Variants in ZDHHC17 observed in about 807,000 individuals in gnomAD.
ZDHHC17 encodes zDHHC palmitoyltransferase 17.
A neutral mutation model predicts 90.3 loss-of-function variants in ZDHHC17; 40 were observed. The ratio of observed to expected loss-of-function variants is 0.44; its 90% confidence interval spans 0.34 to 0.58. The LOEUF (loss-of-function observed/expected upper bound fraction) is 0.58, where lower values mean the gene tolerates loss of function less well. Among genes scored for constraint, ZDHHC17 ranks in the 20% least tolerant of loss-of-function variants. The pLI is 0.01. For missense variants in ZDHHC17, 614 were observed against 780.8 expected, an observed-to-expected ratio of 0.79 and a Z score of 2.55; for synonymous variants, 235 against 252.4, an observed-to-expected ratio of 0.93 and a Z score of 0.65.
intron 14 of ZDHHC17, among the ~76,000 whole-genome samples, chr12:76,847,182 G>A (rs1409271201): frequency 2.0e-5 from 3 of 152,128 alleles, no homozygotes; most frequent in Non-Finnish European, 4.4e-5. Flanking sequence ...CCATCATGTG[G>A]GTTTTATACC....
chr12:76,838,961 CAG>C (rs1953400797), intron 10 of ZDHHC17, among the ~76,000 whole-genome samples: 3 of 152,154 alleles, frequency 2.0e-5, no homozygotes, highest in Admixed American at 2.0e-4. Flanking sequence ...AGTTTGAGAT[CAG>C]GGTGCCAGCA....
intron 2 of ZDHHC17, 51 bp from the exon 3 acceptor site, chr12:76,805,266 T>C: frequency 1.4e-6 from 2 of 1,453,642 alleles, no homozygotes; most frequent in Non-Finnish European, 1.9e-6. Context: ...TATTTTTAAC[T>C]TTACATTTCT....
At chr12:76,777,240 C>T (rs571719580) in intron 1 of ZDHHC17, among the ~76,000 whole-genome samples, 1 of 152,276 alleles carries the variant, frequency 6.6e-6, no homozygotes, top group Admixed American at 6.5e-5. Flanking sequence ...TTCTCCATTT[C>T]TATTATTTTG....
chr12:76,794,436 C>G (rs1952795701), intron 1 of ZDHHC17, among the ~76,000 whole-genome samples: 1 of 151,982 alleles, frequency 6.6e-6, no homozygotes, highest in Non-Finnish European at 1.5e-5. Context: ...AAACCAGTAT[C>G]CAGTCTGTTT....
chr12:76,773,049 G>T (rs560434037), intron 1 of ZDHHC17, among the ~76,000 whole-genome samples: 1 of 152,100 alleles, frequency 6.6e-6, no homozygotes, highest in Non-Finnish European at 1.5e-5. Context: ...GTAGAGACGG[G>T]ATTTCACCAT....
rs2137797114 is a variant in ZDHHC17, at chr12:76,836,738, C to T, written c.1142-5244C>T. On this transcript the variant is annotated intron_variant, in intron 10 of 16. Transcript: ENST00000426126. ...CACTGTATCATTACCAAATTTTTAT[C>T]TGTTTGCAGCATCATTTATTGAGCG... Among the ~76,000 whole-genome samples the T allele has an allele frequency of 2.0e-5, 3 of 152,228 alleles. No individual in the cohort carries two copies. In the South Asian group the frequency reaches 6.2e-4, roughly 32 times the overall value.
chr12:76,795,748 G>C (rs900839765), intron 1 of ZDHHC17, among the ~76,000 whole-genome samples: 1 of 152,090 alleles, frequency 6.6e-6, no homozygotes, highest in Non-Finnish European at 1.5e-5. Context: ...CAGTTATTCA[G>C]AACATTGTGT....
At chr12:76,776,288 C>T (rs1441098480) in intron 1 of ZDHHC17, among the ~76,000 whole-genome samples, 1 of 151,790 alleles carries the variant, frequency 6.6e-6, no homozygotes, top group Non-Finnish European at 1.5e-5. Context: ...TTTTTTTAGC[C>T]TTAATGGTGA....
chr12:76,827,092 AATAAT>A (rs1555186672), intron 9 of ZDHHC17, 42 bp downstream of exon 9: 2 of 1,510,034 alleles, frequency 1.3e-6, no homozygotes, highest in African/African-American at 1.5e-5. Flanking sequence ...CTGTACATGA[AATAAT>A]ATAATTTGTA....
At chr12:76,811,737 GC>G (rs1953024821) in intron 5 of ZDHHC17, among the ~76,000 whole-genome samples, 1 of 151,702 alleles carries the variant, frequency 6.6e-6, no homozygotes, top group African/African-American at 2.4e-5. Context: ...TTGGCCATCT[GC>G]TGACTGAGGT....
chr12:76,802,235 C>T (rs1952900017), intron 2 of ZDHHC17, among the ~76,000 whole-genome samples: 2 of 152,130 alleles, frequency 1.3e-5, no homozygotes, highest in Non-Finnish European at 2.9e-5. Flanking sequence ...TTTTGGTTGG[C>T]ATTGGTTTTC....
intron 5 of ZDHHC17, among the ~76,000 whole-genome samples, chr12:76,810,224 C>G (rs1953003286): frequency 6.6e-6 from 1 of 151,924 alleles, no homozygotes; most frequent in South Asian, 2.1e-4. Context: ...TTAAATATCT[C>G]TTGAGAGGGA....
rs762560670 is a variant in ZDHHC17, at chr12:76,842,989, TTTC to T, written c.1329+14_1329+16del. On this transcript the variant is annotated intron_variant, in intron 12 of 16. Transcript: ENST00000426126. ...TTCTGCAGTACCTGTTTGGTAGTAT[TTTC>T]TTCTTTGTTCTTCCCTCCCTTCTCT... The T allele has an allele frequency of 6.2e-7, 1 of 1,607,290 alleles. No homozygotes were observed. The highest frequency in any genetic ancestry group is 1.1e-5 in the South Asian group (1 of 90,246).
chr12:76,849,530 A>G, intron 16 of ZDHHC17, 60 bp downstream of exon 16: 5 of 1,066,692 alleles, frequency 4.7e-6, no homozygotes, highest in Non-Finnish European at 6.8e-6. Flanking sequence ...CTTACTAACC[A>G]GACTCTTTTA....
Position 76,805,361 on chromosome 12 carries a change from A to G in ZDHHC17, c.242A>G (p.Tyr81Cys), listed in dbSNP as rs1237181955. 6.2e-7 allele frequency: 1 copy of G among 1,604,276 alleles called. No homozygotes were observed. The stretch of plus-strand genomic sequence containing the variant: ...TGTCGAGAATTGGTGGAAGCAGGTT[A>G]TGATGTACGGCAACCGGACAAAGAA... Reference protein sequence around the residue: ...ERCRELVEAGYDVRQPDKENV... With the variant: ...ERCRELVEAGCDVRQPDKENV... Residue 81 changes from tyrosine to cysteine, a missense_variant, in exon 3 of 17, where the codon TAT becomes TGT. Around this residue, in one of 5 missense-constraint regions of ZDHHC17, gnomAD observed 358 missense variants for 380.4 expected, o/e 0.94. Transcript: ENST00000426126.
intron 2 of ZDHHC17, among the ~76,000 whole-genome samples, chr12:76,798,939 T>C (rs887108965): frequency 6.6e-6 from 1 of 152,056 alleles, no homozygotes; most frequent in Non-Finnish European, 1.5e-5. Flanking sequence ...TCTCCAACAT[T>C]GGGGATTACA....
chr12:76,807,816 T>G (rs1294407301), intron 3 of ZDHHC17, among the ~76,000 whole-genome samples: 1 of 152,198 alleles, frequency 6.6e-6, no homozygotes, highest in African/African-American at 2.4e-5. Flanking sequence ...CTAGTTACGA[T>G]TTTTAATAAA....
At chr12:76,849,943 C>CTTT (rs1953542764) in intron 16 of ZDHHC17, among the ~76,000 whole-genome samples, 1 of 151,750 alleles carries the variant, frequency 6.6e-6, no homozygotes, top group African/African-American at 2.4e-5. Flanking sequence ...TTTTTTTAGA[C>CTTT]AGAGTCTTGC....
chr12:76,777,058 G>GTAGGA (rs914396545), intron 1 of ZDHHC17, among the ~76,000 whole-genome samples: 4 of 152,158 alleles, frequency 2.6e-5, no homozygotes, highest in Non-Finnish European at 4.4e-5. Context: ...ATAGGACACT[G>GTAGGA]TAGGATAGGA....
Sources: gnomAD v4.1 joint callset for allele counts (sites outside exome capture counted in the v4.1 genomes callset) on GRCh38, gnomAD v4.1.1 for gene constraint, gnomAD v4.1.1 regional missense constraint, MANE v1.5 for transcripts, NCBI Gene and HGNC (gene_info 2026-07-23, HGNC 2026-07-21) for gene names.